ARID1B: variants seen among roughly 807,000 people sequenced by gnomAD.
The protein encoded by ARID1B is AT-rich interaction domain 1B.
A neutral mutation model predicts 212.3 loss-of-function variants in ARID1B; 30 were observed. That is an observed-to-expected ratio of 0.14 (90% CI 0.11 to 0.19). The LOEUF (loss-of-function observed/expected upper bound fraction) is 0.19, where lower values mean the gene tolerates loss of function less well. Ranked by LOEUF, ARID1B falls within the 10% of genes least tolerant of loss-of-function variation. ARID1B has a pLI of 1.00. For synonymous variants in ARID1B, 1,402 were observed against 1,301.7 expected, an observed-to-expected ratio of 1.08 and a Z score of -1.66; for missense variants, 2,891 against 3,204.0, an observed-to-expected ratio of 0.90 and a Z score of 2.36.
chr6:157,197,859 A>G (rs553298820), intron 16 of ARID1B, among the ~76,000 whole-genome samples: 5 of 152,326 alleles, frequency 3.3e-5, no homozygotes, highest in South Asian at 4.1e-4. Flanking sequence ...ACCCATGTCA[A>G]TTACATTTCT....
At chr6:156,912,710 T>C (rs951740777) in intron 3 of ARID1B, among the ~76,000 whole-genome samples, 1 of 152,226 alleles carries the variant, frequency 6.6e-6, no homozygotes, top group Non-Finnish European at 1.5e-5. Flanking sequence ...GCATATCATG[T>C]CTGCCTTCTG....
Position 157,203,783 on chromosome 6 carries a change from T to G in ARID1B, c.5264-83T>G. 2.0e-6 allele frequency: 3 copies of G among 1,531,044 alleles called. No individual in the cohort carries two copies. Among genetic ancestry groups the G allele is most frequent in the Non-Finnish European group, 2.7e-6 (3 of 1,111,884 alleles). 94.8% of individuals were successfully genotyped at this position (1,531,044 alleles called of 1,614,324 possible). A position where few individuals can be genotyped will look rare whatever the true frequency, so the allele number is the denominator to read the frequency against. On this transcript the variant is annotated intron_variant, in intron 18 of 19. Transcript: ENST00000636930. This position sits in a 1 kb window ranked among gnomAD's most constrained non-coding sequence, Gnocchi z 4.4. The stretch of plus-strand genomic sequence containing the variant: ...AATATTTAACTTAACACTCCACTTA[T>G]TTTTTCTTACTCTTTCGTTAACTTT...
chr6:157,159,663 G>C (rs1790803071), intron 8 of ARID1B, among the ~76,000 whole-genome samples: 1 of 152,208 alleles, frequency 6.6e-6, no homozygotes, highest in Admixed American at 6.5e-5. Context: ...GTATTCCTCA[G>C]TGCTTAGCAA....
chr6:157,139,300 G>A (rs1317136600), intron 7 of ARID1B, among the ~76,000 whole-genome samples: 1 of 152,138 alleles, frequency 6.6e-6, no homozygotes, highest in Non-Finnish European at 1.5e-5. Context: ...CACCTAGAGA[G>A]GCAGGGTGTG....
At chr6:157,156,803 A>G (rs2356201) in intron 8 of ARID1B, among the ~76,000 whole-genome samples, 5,379 of 152,242 alleles carry the variant, frequency 0.035, 323 homozygotes, top group African/African-American at 0.12. Context: ...CAGAGCACGG[A>G]GGCAGCATGG....
In ARID1B at chr6:157,210,706, C is replaced by CAA. The variant is rs201959218; in HGVS notation, c.*2828_*2829dup. On this transcript the variant is annotated 3_prime_UTR_variant, in exon 20 of 20. Transcript: ENST00000636930. ...GGATGCCCAGACTTTACATGTGTAC[C>CAA]AAAAAAAAAAAAAAGATAAAAAATA... is the stretch of plus-strand genomic sequence containing the variant. The CAA allele has an allele frequency of 0.023, 4,315 of 185,446 alleles. 187 individuals carry two copies. Among genetic ancestry groups the CAA allele is most frequent in the African/African-American group, 0.11 (3,929 of 35,714 alleles). The allele number at this position is 185,446 out of a possible 1,614,324, so 11.5% of individuals were successfully genotyped here. A position where few individuals can be genotyped will look rare whatever the true frequency, so the allele number is the denominator to read the frequency against.
At chr6:156,967,342 C>T (rs887326213) in intron 4 of ARID1B, among the ~76,000 whole-genome samples, 1 of 151,910 alleles carries the variant, frequency 6.6e-6, no homozygotes, top group Non-Finnish European at 1.5e-5. Context: ...AAATATTTAG[C>T]GATATTAAGA....
chr6:157,135,159 C>T (rs568168037), intron 7 of ARID1B, among the ~76,000 whole-genome samples: 1 of 151,738 alleles, frequency 6.6e-6, no homozygotes, highest in South Asian at 2.1e-4. Context: ...TTTAAGAGCA[C>T]TAAGCCCAGG....
intron 1 of ARID1B, among the ~76,000 whole-genome samples, chr6:156,796,475 T>G (rs578073240): frequency 9.7e-4 from 147 of 152,074 alleles, no homozygotes; most frequent in African/African-American, 3.4e-3. Flanking sequence ...TAAATCTCTG[T>G]CATTATGATG....
intron 4 of ARID1B, among the ~76,000 whole-genome samples, chr6:157,078,182 A>G (rs774830671): frequency 2.0e-5 from 3 of 152,060 alleles, no homozygotes; most frequent in Non-Finnish European, 4.4e-5. Flanking sequence ...AGATGCTGTT[A>G]TTTTCTCACG....
In ARID1B at chr6:157,201,413, A is replaced by T. The variant is rs2128376693; in HGVS notation, c.5188A>T (p.Thr1730Ser). 6.3e-7 allele frequency: 1 copy of T among 1,578,474 alleles called. No individual in the cohort carries two copies. Among genetic ancestry groups the T allele is most frequent in the Non-Finnish European group, 8.6e-7 (1 of 1,158,748 alleles). The change falls in exon 18 of 20, where the codon ACC becomes TCC. Residue 1730 changes from threonine to serine, a missense_variant. Transcript: ENST00000636930. This position sits in a 1 kb window ranked among gnomAD's most constrained non-coding sequence, Gnocchi z 5.2. ...ACCACCCCCAATCAGAAGGGAGATC[A>T]CCTTTCCTCCTGGCTCAGTAGAAGC... is the stretch of plus-strand genomic sequence containing the variant. ...PQPPPIRREI[T>S]FPPGSVEASQ... is the part of the protein sequence containing the mutation.
intron 2 of ARID1B, among the ~76,000 whole-genome samples, chr6:156,851,806 T>C (rs1262004549): frequency 6.6e-6 from 1 of 152,210 alleles, no homozygotes; most frequent in Non-Finnish European, 1.5e-5. Context: ...CAGAGCTGAT[T>C]TGGCTTTTTA....
Position 156,961,788 on chromosome 6 carries a change from G to A in ARID1B, c.2247+26212G>A, listed in dbSNP as rs568484121. On this transcript the variant is annotated intron_variant, in intron 4 of 19. Transcript: ENST00000636930. ...GCAACTCGTGTCTGATCTTGTTTATGATTAGTGTTTTGTTTACTGAGGAAT... is the reference window on the plus strand; with the variant it reads ...GCAACTCGTGTCTGATCTTGTTTATAATTAGTGTTTTGTTTACTGAGGAAT... Among the ~76,000 whole-genome samples the A allele has an allele frequency of 4.3e-4, 66 of 152,296 alleles. 1 individual carries two copies. The highest frequency in any genetic ancestry group is 1.0e-4 in the Non-Finnish European group (7 of 68,028).
rs1789969323 is a variant in ARID1B at position 157,148,595 on chromosome 6, GCTTTA to G, written c.2762-24_2762-20del. 3.8e-6 allele frequency: 6 copies of G among 1,567,594 alleles called. No individual in the cohort carries two copies. The Admixed American group carries it at 9.0e-5, about 24-fold the overall frequency. On this transcript the variant is annotated intron_variant, in intron 7 of 19. Transcript: ENST00000636930. The surrounding 1 kb of genome is among the most constrained non-coding windows in gnomAD (Gnocchi z 5.6). Reference sequence around the variant, plus strand: ...ATGTTGTCACAAGTTTAAATAAAAGGCTTTACTTTGTGTTTGCTTTTTGTTTAGGT... The same window carrying G: ...ATGTTGTCACAAGTTTAAATAAAAGGCTTTGTGTTTGCTTTTTGTTTAGGT...
chr6:157,022,065 G>C (rs1302151940), intron 4 of ARID1B, among the ~76,000 whole-genome samples: 1 of 152,176 alleles, frequency 6.6e-6, no homozygotes, highest in Non-Finnish European at 1.5e-5. Flanking sequence ...AGTGGCTGAC[G>C]GTGGAAAAGC....
At chr6:157,123,804 A>G (rs561572663) in intron 6 of ARID1B, among the ~76,000 whole-genome samples, 2 of 152,350 alleles carry the variant, frequency 1.3e-5, no homozygotes, top group East Asian at 1.9e-4. Flanking sequence ...TGCTTTACAC[A>G]TTTTCTCGTT....
chr6:156,913,733 C>G lies in ARID1B; in HGVS notation c.2136+12208C>G, dbSNP rs140142730. On this transcript the variant is annotated intron_variant, in intron 3 of 19. Transcript: ENST00000636930. Reference sequence around the variant, plus strand: ...TGAGCCACCATCCTACTATCCACTTCCCAACTCCCAGCCCATGCCAGCCCA... The same window carrying G: ...TGAGCCACCATCCTACTATCCACTTGCCAACTCCCAGCCCATGCCAGCCCA... Among the ~76,000 whole-genome samples, 20 of 149,164 alleles carry G rather than the reference C, an allele frequency of 1.3e-4. No homozygotes were observed. The East Asian group carries it at 3.9e-3, about 29-fold the overall frequency.
At chr6:157,006,396 A>G (rs955119778) in intron 4 of ARID1B, among the ~76,000 whole-genome samples, 1 of 152,198 alleles carries the variant, frequency 6.6e-6, no homozygotes, top group African/African-American at 2.4e-5. Flanking sequence ...TGAAGAGAGA[A>G]ATTATATTCA....
intron 2 of ARID1B, among the ~76,000 whole-genome samples, chr6:156,856,841 G>C (rs947143774): frequency 1.3e-5 from 2 of 152,188 alleles, no homozygotes; most frequent in South Asian, 2.1e-4. Flanking sequence ...AAATATAAGG[G>C]GAAGAAATTT....
Sources: gnomAD v4.1 joint callset for allele counts (sites outside exome capture counted in the v4.1 genomes callset) on GRCh38, gnomAD v4.1.1 for gene constraint, Gnocchi (gnomAD v3.1) non-coding constraint, MANE v1.5 for transcripts, NCBI Gene and HGNC (gene_info 2026-07-23, HGNC 2026-07-21) for gene names.